Variants in SETBP1 observed in about 807,000 individuals in gnomAD.
SETBP1 encodes the protein SET binding protein 1, also known as SET-binding protein.
A neutral mutation model predicts 101.0 loss-of-function variants in SETBP1; 9 were observed. The observed-to-expected ratio is 0.09, with a 90% confidence interval of 0.05 to 0.16. SETBP1 has a LOEUF of 0.16. Ranked by LOEUF, SETBP1 falls within the 10% of genes least tolerant of loss-of-function variation. The probability of loss-of-function intolerance (pLI) is 1.00; values close to 1 mark genes in which losing one functional copy is unlikely to be tolerated. For missense variants in SETBP1, 1,858 were observed against 2,033.8 expected, an observed-to-expected ratio of 0.91 and a Z score of 1.66; for synonymous variants, 818 against 788.5, an observed-to-expected ratio of 1.04 and a Z score of -0.63.
intron 2 of SETBP1, among the ~76,000 whole-genome samples, chr18:44,774,611 G>A (rs541800742): frequency 6.6e-6 from 1 of 152,278 alleles, no homozygotes; most frequent in South Asian, 2.1e-4. Flanking sequence ...GATGATTTGT[G>A]GATAGGGTGC....
intron 4 of SETBP1, among the ~76,000 whole-genome samples, chr18:45,037,656 A>G (rs568073703): frequency 1.3e-5 from 2 of 152,338 alleles, no homozygotes; most frequent in African/African-American, 4.8e-5. Flanking sequence ...GGAATGCAGA[A>G]TAGCTCTTAC....
intron 4 of SETBP1, among the ~76,000 whole-genome samples, chr18:45,013,729 C>T (rs1005645757): frequency 6.6e-6 from 1 of 152,210 alleles, no homozygotes; most frequent in Admixed American, 6.5e-5. Context: ...TAAGCCACCA[C>T]ACCCAGCCCT....
intron 4 of SETBP1, among the ~76,000 whole-genome samples, chr18:44,967,390 C>G (rs1255732192): frequency 6.6e-6 from 1 of 152,150 alleles, no homozygotes; most frequent in African/African-American, 2.4e-5. Flanking sequence ...TCTGCTAACC[C>G]CAGCCATAAA....
At chr18:44,876,956 A>G (rs1353767752) in intron 3 of SETBP1, 2 of 1,283,812 alleles carry the variant, frequency 1.6e-6, no homozygotes, top group Admixed American at 3.6e-5. Context: ...TGAAGAGATA[A>G]TGCATTAGGC....
intron 3 of SETBP1, among the ~76,000 whole-genome samples, chr18:44,917,690 C>T (rs1274127365): frequency 6.6e-6 from 1 of 152,150 alleles, no homozygotes; most frequent in African/African-American, 2.4e-5. Flanking sequence ...GCATTTCCCT[C>T]ACCCTCTCCA....
At chr18:44,876,470 C>T (rs1342792961) in intron 3 of SETBP1, 10 of 865,796 alleles carry the variant, frequency 1.2e-5, no homozygotes, top group Non-Finnish European at 1.7e-5. Context: ...CCAGTCCTAA[C>T]CCCTGTAGTG....
At chr18:45,058,837 G>C (rs755361329) in intron 5 of SETBP1, among the ~76,000 whole-genome samples, 1 of 152,142 alleles carries the variant, frequency 6.6e-6, no homozygotes, top group Admixed American at 6.5e-5. Flanking sequence ...TTATGCAGTT[G>C]GTGAAAGCAT....
intron 2 of SETBP1, among the ~76,000 whole-genome samples, chr18:44,819,260 A>C (rs920505306): frequency 6.6e-6 from 1 of 152,164 alleles, no homozygotes; most frequent in African/African-American, 2.4e-5. Context: ...GAGCAGTAGT[A>C]CCAGACACCA....
chr18:44,783,218 G>A (rs1477470728), intron 2 of SETBP1, among the ~76,000 whole-genome samples: 1 of 152,152 alleles, frequency 6.6e-6, no homozygotes. Flanking sequence ...ATGTTTTGGG[G>A]GACAGATAAG....
rs1189448447 is a variant in SETBP1, at chr18:45,063,637, A to T, written c.4730A>T (p.Glu1577Val). The T allele has an allele frequency of 5.0e-6, 8 of 1,602,796 alleles. No individual in the cohort carries two copies. Among genetic ancestry groups the T allele is most frequent in the Non-Finnish European group, 6.8e-6 (8 of 1,174,396 alleles). The change falls in exon 6 of 6, where the codon GAG (glutamate) becomes GTG (valine). Residue 1577 changes from glutamate to valine, a missense_variant. By Grantham distance (121) the Glu-to-Val change is moderately radical (BLOSUM62 -2). Around this residue, in one of 12 missense-constraint regions of SETBP1, gnomAD observed 178 missense variants for 189.1 expected, o/e 0.94. Coordinates refer to ENST00000649279, the MANE Select transcript of SETBP1 (RefSeq NM_015559.3). ...CCGCAGCAGCCCCTTCCCCAGGAAG[A>T]GGAGGTGAAAGCCAAAAGGCAGAGG... ...SPPQQPLPQE[E>V]EVKAKRQRKS...
In SETBP1 at chr18:44,950,435, A is replaced by G; in HGVS notation, c.1095A>G (p.Thr365=). Residue 365 remains threonine, a synonymous_variant, in exon 4 of 6, where the codon ACA becomes ACG. Transcript: ENST00000649279. The stretch of plus-strand genomic sequence containing the variant: ...ATGCCCAGAAAGCATTTGACAATAC[A>G]GAAGGGAAAAGGGAAGGTTATTCCG... The part of the protein sequence containing the change: ...VKNAQKAFDN[T]EGKREGYSAD... 1 of 1,614,182 alleles carries G rather than the reference A, an allele frequency of 6.2e-7. No homozygotes were observed. Among genetic ancestry groups the G allele is most frequent in the Admixed American group, 1.7e-5 (1 of 60,036 alleles).
At position 44,719,126 on chromosome 18, in the gene SETBP1, A is replaced by C. The variant is rs529033748; in HGVS notation, c.486+17294A>C. ...AGAGGAAGGTAGAATAGTAAGCTTG[A>C]CAAGAAACCTGAAAAATCATGCATC... On this transcript the variant is annotated intron_variant, in intron 2 of 5. Transcript: ENST00000649279. 2.6e-5 allele frequency among the ~76,000 whole-genome samples: 4 copies of C among 152,328 alleles called. No individual in the cohort carries two copies. In the South Asian group the frequency reaches 8.3e-4, roughly 32 times the overall value.
At chr18:44,862,591 G>T (rs144163754) in intron 2 of SETBP1, among the ~76,000 whole-genome samples, 98 of 152,320 alleles carry the variant, frequency 6.4e-4, no homozygotes, top group African/African-American at 2.3e-3. Context: ...GTTAGCTAGG[G>T]TGTGGATTTG....
At chr18:44,998,422 AC>A (rs1336970414) in intron 4 of SETBP1, among the ~76,000 whole-genome samples, 9 of 152,150 alleles carry the variant, frequency 5.9e-5, no homozygotes, top group African/African-American at 2.2e-4. Flanking sequence ...AGCATTAAAG[AC>A]CCCGGAGATT....
In SETBP1 at chr18:44,740,407, T is replaced by G. The variant is rs78882547; in HGVS notation, c.486+38575T>G. 3.8e-4 allele frequency among the ~76,000 whole-genome samples: 58 copies of G among 152,350 alleles called. No individual in the cohort carries two copies. In the East Asian group the frequency reaches 0.01, roughly 26 times the overall value. On this transcript the variant is annotated intron_variant, in intron 2 of 5. Coordinates refer to ENST00000649279, the MANE Select transcript of SETBP1 (RefSeq NM_015559.3). ...ACTCCTTAACACTTGTGATCAGTTA[T>G]TTCCTTTCTTCATGTTCGGAATAGG...
intron 4 of SETBP1, among the ~76,000 whole-genome samples, chr18:44,992,654 A>G (rs2072403691): frequency 6.6e-6 from 1 of 152,088 alleles, no homozygotes; most frequent in African/African-American, 2.4e-5. Flanking sequence ...TATCAATTCA[A>G]GGAGAAATAG....
At chr18:44,687,307 G>A (rs1400892912) in intron 1 of SETBP1, among the ~76,000 whole-genome samples, 1 of 152,166 alleles carries the variant, frequency 6.6e-6, no homozygotes, top group Admixed American at 6.5e-5. Flanking sequence ...AGGTGTCCTA[G>A]GAATGTTAAG....
At chr18:45,054,727 G>GT (rs1474312396) in intron 5 of SETBP1, among the ~76,000 whole-genome samples, 2 of 152,126 alleles carry the variant, frequency 1.3e-5, no homozygotes, top group African/African-American at 4.8e-5. Flanking sequence ...ACCTAGCAAT[G>GT]TTTTTACTCA....
At chr18:44,847,091 A>G (rs1195198211) in intron 2 of SETBP1, among the ~76,000 whole-genome samples, 1 of 152,224 alleles carries the variant, frequency 6.6e-6, no homozygotes, top group Non-Finnish European at 1.5e-5. Flanking sequence ...AGGAGAAGAA[A>G]CACAGCCTAT....
Sources: allele counts gnomAD v4.1 joint callset (sites outside exome capture counted in the v4.1 genomes callset), GRCh38; gene constraint gnomAD v4.1.1; regional missense constraint gnomAD v4.1.1; transcripts MANE v1.5; gene names NCBI Gene and HGNC (gene_info 2026-07-23, HGNC 2026-07-21).